Variants in ELMO1 observed in about 807,000 individuals in gnomAD.
The protein encoded by ELMO1 is engulfment and cell motility 1.
Under a neutral mutation model 98.9 loss-of-function variants are expected in ELMO1, and 26 were observed. That is an observed-to-expected ratio of 0.26 (90% CI 0.19 to 0.36). The LOEUF (loss-of-function observed/expected upper bound fraction) is 0.36. Ranked by LOEUF, ELMO1 falls within the 10% of genes least tolerant of loss-of-function variation. The pLI is 1.00. For synonymous variants in ELMO1, 346 were observed against 346.0 expected, an observed-to-expected ratio of 1.00 and a Z score of 0.00; for missense variants, 627 against 935.2, an observed-to-expected ratio of 0.67 and a Z score of 4.30.
At chr7:37,109,166 T>TG (rs1785101429) in intron 14 of ELMO1, among the ~76,000 whole-genome samples, 1 of 152,096 alleles carries the variant, frequency 6.6e-6, no homozygotes, top group Admixed American at 6.5e-5. Flanking sequence ...AGCATGTGCC[T>TG]GGTGTGCCCC....
intron 14 of ELMO1, among the ~76,000 whole-genome samples, chr7:37,114,919 G>T (rs1166932615): frequency 1.3e-5 from 2 of 152,050 alleles, no homozygotes; most frequent in African/African-American, 4.8e-5. Flanking sequence ...AAAAATGAAA[G>T]AAGAGTCAAC....
chr7:37,166,077 G>T (rs1789663396), intron 13 of ELMO1, among the ~76,000 whole-genome samples: 1 of 152,210 alleles, frequency 6.6e-6, no homozygotes, highest in Non-Finnish European at 1.5e-5. Context: ...GAGAGTGTAT[G>T]TGTCGAGGAA....
intron 16 of ELMO1, among the ~76,000 whole-genome samples, chr7:36,989,190 G>A (rs1224612931): frequency 6.6e-6 from 1 of 152,170 alleles, no homozygotes; most frequent in Non-Finnish European, 1.5e-5. Flanking sequence ...CAAAAGCTCT[G>A]TGAGATGTTA....
chr7:37,013,696 G>A (rs968148225), intron 15 of ELMO1: 2 of 390,304 alleles, frequency 5.1e-6, no homozygotes, highest in Non-Finnish European at 9.5e-6. Flanking sequence ...GCCAGGACAA[G>A]ACCCTCTTGG....
intron 4 of ELMO1, among the ~76,000 whole-genome samples, chr7:37,296,448 A>G (rs537999551): frequency 5.6e-4 from 86 of 152,268 alleles, no homozygotes; most frequent in Non-Finnish European, 9.7e-4. Context: ...GGTCAGGCCT[A>G]CCAAGATATT....
chr7:37,123,882 T>C (rs1256068678), intron 14 of ELMO1, among the ~76,000 whole-genome samples: 1 of 152,056 alleles, frequency 6.6e-6, no homozygotes, highest in Non-Finnish European at 1.5e-5. Context: ...GATGCAAAAA[T>C]CCTCAGTAAA....
rs774843181 is a variant in ELMO1, at chr7:37,224,948, T to C, written c.632A>G (p.Asn211Ser). Reference protein sequence around the residue: ...SLAILESMVLNSHDLYQKVAQ... With the variant: ...SLAILESMVLSSHDLYQKVAQ... ...CACTTTCTGGTAGAGGTCATGGCTA[T>C]TGAGCACCATCGACTCCAAAATGGC... is the stretch of plus-strand genomic sequence containing the variant. Residue 211 changes from asparagine (N) to serine (S), a missense_variant, in exon 9 of 22, where the codon AAT becomes AGT. Physicochemically the swap from Asn to Ser is conservative, Grantham distance 46. Around this residue, in one of 3 missense-constraint regions of ELMO1, gnomAD observed 492 missense variants for 715.6 expected, o/e 0.69. Transcript: ENST00000310758. 3.1e-6 allele frequency: 5 copies of C among 1,614,142 alleles called. No individual in the cohort carries two copies. The highest frequency in any genetic ancestry group is 1.3e-5 in the African/African-American group (1 of 75,050).
intron 13 of ELMO1, among the ~76,000 whole-genome samples, chr7:37,148,958 A>G (rs1788179776): frequency 6.6e-6 from 1 of 152,226 alleles, no homozygotes; most frequent in Non-Finnish European, 1.5e-5. Flanking sequence ...AGAACACAGC[A>G]CATGTGCAAA....
chr7:36,955,769 C>G (rs1215538671), intron 16 of ELMO1, among the ~76,000 whole-genome samples: 2 of 152,190 alleles, frequency 1.3e-5, no homozygotes, highest in Non-Finnish European at 2.9e-5. Flanking sequence ...GTTGCCTCAT[C>G]TTTAAATTCC....
chr7:37,259,670 G>A (rs1795878615), intron 5 of ELMO1, among the ~76,000 whole-genome samples: 1 of 152,170 alleles, frequency 6.6e-6, no homozygotes, highest in African/African-American at 2.4e-5. Context: ...CAGAAAGGAG[G>A]GAGGAAAGGG....
At chr7:37,321,737 A>AAAAAAAAAAC (rs1562612115) in intron 2 of ELMO1, among the ~76,000 whole-genome samples, 2 of 143,288 alleles carry the variant, frequency 1.4e-5, no homozygotes, top group African/African-American at 5.1e-5. Context: ...AAAAAAAAAA[A>AAAAAAAAAAC]ACACAGAAAA....
At chr7:37,194,687 G>A (rs1436376335) in intron 13 of ELMO1, among the ~76,000 whole-genome samples, 3 of 152,012 alleles carry the variant, frequency 2.0e-5, no homozygotes, top group South Asian at 4.1e-4. Flanking sequence ...GGTCACCCAC[G>A]CTCCTCCTCC....
At chr7:37,097,408 C>G (rs1784418812) in intron 14 of ELMO1, among the ~76,000 whole-genome samples, 1 of 152,112 alleles carries the variant, frequency 6.6e-6, no homozygotes, top group South Asian at 2.1e-4. Flanking sequence ...AAAATTACTA[C>G]TCTCTCTACT....
At chr7:36,994,523 C>T (rs56336979) in intron 16 of ELMO1, among the ~76,000 whole-genome samples, 4,409 of 152,320 alleles carry the variant, frequency 0.029, 91 homozygotes, top group Non-Finnish European at 0.045. Context: ...CTTCTGAGTA[C>T]TTCTGTCATT....
intron 13 of ELMO1, among the ~76,000 whole-genome samples, chr7:37,207,098 A>G (rs1792674753): frequency 6.6e-6 from 1 of 152,234 alleles, no homozygotes; most frequent in African/African-American, 2.4e-5. Flanking sequence ...GCAGAGTGTG[A>G]AAGCCATGGT....
chr7:37,204,810 C>T (rs1474405797), intron 13 of ELMO1, among the ~76,000 whole-genome samples: 1 of 151,990 alleles, frequency 6.6e-6, no homozygotes, highest in Non-Finnish European at 1.5e-5. Flanking sequence ...AAAAGTTCTC[C>T]AAGTCCCCCA....
intron 16 of ELMO1, among the ~76,000 whole-genome samples, chr7:36,968,713 A>G (rs956320808): frequency 2.6e-5 from 4 of 152,126 alleles, no homozygotes; most frequent in African/African-American, 9.7e-5. Context: ...AATAGTTCTT[A>G]GATTCATTTA....
chr7:37,382,348 C>A (rs997768699), intron 1 of ELMO1, among the ~76,000 whole-genome samples: 5 of 152,222 alleles, frequency 3.3e-5, no homozygotes, highest in African/African-American at 1.2e-4. Context: ...AACATTTTAT[C>A]ACAGTAACTT....
intron 8 of ELMO1, among the ~76,000 whole-genome samples, chr7:37,232,020 T>G (rs1328642123): frequency 6.6e-6 from 1 of 152,094 alleles, no homozygotes; most frequent in African/African-American, 2.4e-5. Context: ...GCCCGGCTAA[T>G]TTTTGTAGTT....
Sources: gnomAD v4.1 joint callset for allele counts (sites outside exome capture counted in the v4.1 genomes callset) on GRCh38, gnomAD v4.1.1 for gene constraint, gnomAD v4.1.1 regional missense constraint, MANE v1.5 for transcripts, NCBI Gene and HGNC (gene_info 2026-07-23, HGNC 2026-07-21) for gene names.